Variants in PDE7A observed in about 807,000 individuals in gnomAD.
PDE7A encodes the protein high affinity 3',5'-cyclic-AMP phosphodiesterase 7A.
Under a neutral mutation model 64.3 loss-of-function variants are expected in PDE7A, and 39 were observed. The observed-to-expected ratio is 0.61, with a 90% CI of 0.47 to 0.79. The LOEUF is 0.79. PDE7A is among the 30% of genes least tolerant of loss of function. The pLI, the probability that PDE7A is intolerant of heterozygous loss-of-function variation, is 0.00. For synonymous variants in PDE7A, 203 were observed against 206.8 expected, an observed-to-expected ratio of 0.98 and a Z score of 0.16; for missense variants, 470 against 582.8, an observed-to-expected ratio of 0.81 and a Z score of 1.99.
chr8:65,757,220 GAGA>G (rs1808275470), intron 3 of PDE7A, among the ~76,000 whole-genome samples: 1 of 152,222 alleles, frequency 6.6e-6, no homozygotes, highest in South Asian at 2.1e-4. Flanking sequence ...AGGAGGGCAG[GAGA>G]AGGTCAGAGA....
chr8:65,793,852 T>C (rs890674534), intron 1 of PDE7A, among the ~76,000 whole-genome samples: 3 of 152,192 alleles, frequency 2.0e-5, no homozygotes, highest in Admixed American at 6.5e-5. Context: ...CACAAGTTTG[T>C]TAAAAACAGA....
chr8:65,730,171 C>CTTCTTCTTTTTTT (rs1295965698), intron 7 of PDE7A, among the ~76,000 whole-genome samples: 1 of 86,434 alleles, frequency 1.2e-5, no homozygotes, highest in African/African-American at 4.8e-5. Flanking sequence ...TTGCGCACTT[C>CTTCTTCTTTTTTT]TTTTTTTTTT....
intron 1 of PDE7A, among the ~76,000 whole-genome samples, chr8:65,827,667 C>A (rs76278395): frequency 6.6e-6 from 1 of 152,060 alleles, no homozygotes; most frequent in Non-Finnish European, 1.5e-5. Context: ...TTTAGTGTAT[C>A]TTTTCTATGT....
Position 65,841,408 on chromosome 8 carries a change from G to A in PDE7A, c.101C>T (p.Ala34Val), listed in dbSNP as rs774040055. 9 of 1,565,336 alleles carry A rather than the reference G, an allele frequency of 5.7e-6. No homozygotes were observed. The highest frequency in any genetic ancestry group is 1.4e-5 in the African/African-American group (1 of 70,708). The change falls in exon 1 of 13, where the codon GCT (alanine) becomes GTT (valine). Residue 34 changes from alanine to valine, a missense_variant. By Grantham distance (64) the Ala-to-Val change is moderately conservative. Transcript: ENST00000401827. ...RGAISFSSSS[A>V]LFGCPNPRQL... ...CCGGGGATTGGGGCAGCCGAAGAGAGCGGAGCTGGAGCTGAAGCTGATGGC... is the reference window on the plus strand; with the variant it reads ...CCGGGGATTGGGGCAGCCGAAGAGAACGGAGCTGGAGCTGAAGCTGATGGC...
At chr8:65,832,547 C>T (rs1273894050) in intron 1 of PDE7A, among the ~76,000 whole-genome samples, 2 of 152,128 alleles carry the variant, frequency 1.3e-5, no homozygotes, top group Non-Finnish European at 2.9e-5. Flanking sequence ...TGTAGTAGCA[C>T]GATCACAATT....
intron 1 of PDE7A, among the ~76,000 whole-genome samples, chr8:65,807,903 C>T (rs1427638318): frequency 6.6e-6 from 1 of 152,142 alleles, no homozygotes; most frequent in African/African-American, 2.4e-5. Context: ...AGCCACTAAA[C>T]CCTGGGTCTT....
At chr8:65,732,189 G>A (rs1375292292) in intron 7 of PDE7A, among the ~76,000 whole-genome samples, 2 of 151,736 alleles carry the variant, frequency 1.3e-5, no homozygotes, top group Non-Finnish European at 2.9e-5. Flanking sequence ...AGTAGAGACG[G>A]GGTTTCACCA....
At chr8:65,783,258 A>G (rs1417249077) in intron 1 of PDE7A, among the ~76,000 whole-genome samples, 1 of 152,184 alleles carries the variant, frequency 6.6e-6, no homozygotes. Context: ...CATGCTTCAC[A>G]TAAAAGCAAA....
At chr8:65,803,766 GTA>G (rs1379494113) in intron 1 of PDE7A, among the ~76,000 whole-genome samples, 1 of 152,068 alleles carries the variant, frequency 6.6e-6, no homozygotes, top group Non-Finnish European at 1.5e-5. Flanking sequence ...TTATATATAT[GTA>G]TGAGAGTTTT....
At chr8:65,758,410 G>GA (rs1808337179) in intron 3 of PDE7A, among the ~76,000 whole-genome samples, 1 of 152,128 alleles carries the variant, frequency 6.6e-6, no homozygotes, top group African/African-American at 2.4e-5. Flanking sequence ...GGGGAAGAAA[G>GA]AAAAAAACTA....
At chr8:65,765,222 G>A (rs1808706760) in intron 3 of PDE7A, among the ~76,000 whole-genome samples, 1 of 152,082 alleles carries the variant, frequency 6.6e-6, no homozygotes, top group African/African-American at 2.4e-5. Context: ...GGGCGCGGTG[G>A]CTCACGCCTG....
At chr8:65,739,058 C>T (rs992522441) in intron 6 of PDE7A, among the ~76,000 whole-genome samples, 7 of 152,206 alleles carry the variant, frequency 4.6e-5, no homozygotes, top group Admixed American at 6.5e-5. Context: ...AGGGCTCCAG[C>T]GGCCTGGGGA....
At chr8:65,727,513 C>T in intron 7 of PDE7A, 2 of 497,416 alleles carry the variant, frequency 4.0e-6, no homozygotes, top group South Asian at 3.8e-5. Context: ...ACAACAGTGG[C>T]CCTGCCCATG....
At chr8:65,736,790 G>GGT (rs1554557020) in intron 6 of PDE7A, among the ~76,000 whole-genome samples, 4 of 128,818 alleles carry the variant, frequency 3.1e-5, no homozygotes, top group Non-Finnish European at 4.8e-5. Flanking sequence ...AAATTTATCT[G>GGT]TTTTTTTTTT....
rs566771275 is a variant in PDE7A, at chr8:65,776,443, A to AT, written c.283+3276dup. 3.9e-5 allele frequency among the ~76,000 whole-genome samples: 6 copies of AT among 152,192 alleles called. No homozygotes were observed. The South Asian group carries it at 1.0e-3, about 26-fold the overall frequency. ...TGTCTTGGCTATTCTTGGAGCTGGG[A>AT]TTTTTTCACTGTGATTTCACTAAAC... On this transcript the variant is annotated intron_variant, in intron 3 of 12. Transcript: ENST00000401827.
chr8:65,811,076 G>T (rs1369801139), intron 1 of PDE7A, among the ~76,000 whole-genome samples: 1 of 151,978 alleles, frequency 6.6e-6, no homozygotes, highest in Non-Finnish European at 1.5e-5. Flanking sequence ...TCTATTGAAG[G>T]ATAGAGAAGA....
intron 1 of PDE7A, among the ~76,000 whole-genome samples, chr8:65,787,705 A>G (rs1809598018): frequency 6.6e-6 from 1 of 152,010 alleles, no homozygotes; most frequent in Admixed American, 6.6e-5. Flanking sequence ...TTCTTTGGAA[A>G]GTTGAGGTAG....
chr8:65,812,649 A>T (rs187468700), intron 1 of PDE7A, among the ~76,000 whole-genome samples: 3 of 152,352 alleles, frequency 2.0e-5, no homozygotes, highest in Admixed American at 1.3e-4. Context: ...TAGATAAAAT[A>T]TTGGTAATAT....
In PDE7A at chr8:65,716,851, C is replaced by T. The variant is rs1022525191; in HGVS notation, c.*2439G>A. On this transcript the variant is annotated 3_prime_UTR_variant, in exon 13 of 13. Coordinates refer to ENST00000401827, the MANE Select transcript of PDE7A (RefSeq NM_001242318.3). ...TATAGGCCAAGGTATGGCCATCTCA[C>T]GAGAGTGACCAGCTGACCATATTCC... 2.0e-5 allele frequency among the ~76,000 whole-genome samples: 3 copies of T among 152,130 alleles called. No homozygotes were observed. Among genetic ancestry groups the T allele is most frequent in the African/African-American group, 4.8e-5 (2 of 41,412 alleles).
Sources: allele counts gnomAD v4.1 joint callset (sites outside exome capture counted in the v4.1 genomes callset), GRCh38; gene constraint gnomAD v4.1.1; transcripts MANE v1.5; gene names NCBI Gene and HGNC (gene_info 2026-07-23, HGNC 2026-07-21).